PRDM8: variants seen among roughly 807,000 people sequenced by gnomAD.
PRDM8 encodes PR/SET domain 8, also known as PR domain zinc finger protein 8.
A neutral mutation model predicts 46.5 loss-of-function variants in PRDM8; 13 were observed. The ratio of observed to expected loss-of-function variants is 0.28; its 90% CI spans 0.18 to 0.44. The LOEUF (loss-of-function observed/expected upper bound fraction) is 0.44. Ranked by LOEUF, PRDM8 falls within the 20% of genes least tolerant of loss-of-function variation. PRDM8 has a pLI of 1.00. For synonymous variants in PRDM8, 473 were observed against 438.4 expected, an observed-to-expected ratio of 1.08 and a Z score of -0.98; for missense variants, 998 against 955.0, an observed-to-expected ratio of 1.04 and a Z score of -0.59.
At chr4:80,189,560 C>A (rs563089620) in intron 1 of PRDM8, among the ~76,000 whole-genome samples, 1 of 152,270 alleles carries the variant, frequency 6.6e-6, no homozygotes, top group African/African-American at 2.4e-5. Context: ...CAATACAGTT[C>A]CCAGTTTTCT....
In PRDM8 at chr4:80,201,665, A is replaced by C. The variant is rs899052224; in HGVS notation, c.451+144A>C. 9.3e-6 allele frequency: 9 copies of C among 965,434 alleles called. No homozygotes were observed. In the South Asian group the frequency reaches 1.3e-4, roughly 14 times the overall value. 59.8% of individuals were successfully genotyped at this position (965,434 alleles called of 1,614,324 possible). On this transcript the variant is annotated intron_variant, in intron 3 of 3. Coordinates refer to ENST00000415738, the MANE Select transcript of PRDM8 (RefSeq NM_001099403.2). ...AGATTCTGAGATGTAGTCTGGAATG[A>C]AGTTAAACAGATAGGTGAGGATAAA...
At chr4:80,200,388 G>A in intron 2 of PRDM8, 89 bp downstream of exon 2, 2 of 1,204,318 alleles carry the variant, frequency 1.7e-6, no homozygotes, top group Non-Finnish European at 2.4e-6. Context: ...AGTGGAGATA[G>A]GTTTTGCCTG....
At chr4:80,200,340 G>A (rs1427138004) in intron 2 of PRDM8, 41 bp downstream of exon 2, 3 of 1,526,142 alleles carry the variant, frequency 2.0e-6, no homozygotes, top group South Asian at 2.2e-5. Context: ...TGAGGGTAAT[G>A]TCCTGTTGGA....
At chr4:80,193,392 C>T (rs889576759), upstream of PRDM8, among the ~76,000 whole-genome samples, 6 of 152,130 alleles carry the variant, frequency 3.9e-5, no homozygotes, top group African/African-American at 9.7e-5. Context: ...TGGCTCTTCT[C>T]GACTCACCAA....
upstream of PRDM8, among the ~76,000 whole-genome samples, chr4:80,194,998 C>T (rs1737833742): frequency 6.6e-6 from 1 of 152,102 alleles, no homozygotes; most frequent in South Asian, 2.1e-4. Context: ...AAGAGAAAGG[C>T]CAGGCACAAG....
chr4:80,191,385 G>A (rs1048096196), intron 1 of PRDM8: 1 of 152,036 alleles, frequency 6.6e-6, no homozygotes, highest in Non-Finnish European at 1.5e-5. Flanking sequence ...TAGCAATTCC[G>A]GGTATTATTT....
chr4:80,198,876 T>C (rs1738174191), intron 1 of PRDM8, among the ~76,000 whole-genome samples: 3 of 151,766 alleles, frequency 2.0e-5, no homozygotes, highest in Admixed American at 2.0e-4. Context: ...GTGACATTAT[T>C]AGGGAACAAC....
rs201992799 is a variant in PRDM8, at chr4:80,199,707, A to ATGTG, written c.-2-371_-2-370insGTGT. Among the ~76,000 whole-genome samples the ATGTG allele has an allele frequency of 5.0e-3, 450 of 90,600 alleles. 2 individuals carry two copies. Among genetic ancestry groups the ATGTG allele is most frequent in the African/African-American group, 0.016 (412 of 25,220 alleles). 59.4% of individuals were successfully genotyped at this position (90,600 alleles called of 152,430 possible). A position where few individuals can be genotyped will look rare whatever the true frequency, so the allele number is the denominator to read the frequency against. On this transcript the variant is annotated intron_variant, in intron 1 of 3. Coordinates refer to ENST00000415738, the MANE Select transcript of PRDM8 (RefSeq NM_001099403.2). Reference sequence around the variant, plus strand: ...AAATTATATATATGTATATATATATATATGTGTGTGTGTGTGTGTGTGTGT... The same window carrying ATGTG: ...AAATTATATATATGTATATATATATATGTGTATGTGTGTGTGTGTGTGTGTGTGT...
chr4:80,190,426 C>T (rs1039999986), intron 1 of PRDM8, among the ~76,000 whole-genome samples: 4 of 152,242 alleles, frequency 2.6e-5, no homozygotes, highest in Non-Finnish European at 5.9e-5. Context: ...GGTTTGCGCA[C>T]TGTGCGTCTA....
chr4:80,187,733 G>A (rs1737230073), intron 1 of PRDM8, among the ~76,000 whole-genome samples: 1 of 152,102 alleles, frequency 6.6e-6, no homozygotes, highest in African/African-American at 2.4e-5. Flanking sequence ...GCAACCTCCT[G>A]CTCCTCCTGT....
chr4:80,203,397 G>A lies in PRDM8; in HGVS notation c.1935G>A (p.Arg645=), dbSNP rs767093340. 5 of 1,613,956 alleles carry A rather than the reference G, an allele frequency of 3.1e-6. No individual in the cohort carries two copies. The highest frequency in any genetic ancestry group is 1.1e-5 in the South Asian group (1 of 91,012). Residue 645 remains arginine, a synonymous_variant, in exon 4 of 4, where the codon AGG becomes AGA. Transcript: ENST00000415738. ...RMTSDLVYHM[R]SHHKKEYAME... ...CCTCCGACCTGGTGTACCATATGAG[G>A]TCGCACCACAAAAAGGAGTATGCGA...
upstream of PRDM8, chr4:80,195,918 C>CAGAGAGAG (rs1737908359): frequency 1.6e-5 from 3 of 183,880 alleles, no homozygotes; most frequent in Non-Finnish European, 2.6e-5. Flanking sequence ...CACACACACA[C>CAGAGAGAG]ACACACACAC....
chr4:80,197,740 G>A lies in PRDM8; in HGVS notation c.-26G>A. ...CGGTTCCAGGTGGCCTTATTTGGGA[G>A]ATTCTATACTGACCTTATTCCTGGT... On this transcript the variant is annotated 5_prime_UTR_variant, in exon 1 of 4. Transcript: ENST00000415738. 4.1e-6 allele frequency: 4 copies of A among 985,042 alleles called. No homozygotes were observed. Among genetic ancestry groups the A allele is most frequent in the Non-Finnish European group, 4.8e-6 (4 of 829,184 alleles). The allele number at this position is 985,042 out of a possible 1,614,324, so 61.0% of individuals were successfully genotyped here. A position where few individuals can be genotyped will look rare whatever the true frequency, so the allele number is the denominator to read the frequency against.
intron 1 of PRDM8, among the ~76,000 whole-genome samples, chr4:80,189,283 G>T (rs987307728): frequency 6.6e-6 from 1 of 152,178 alleles, no homozygotes; most frequent in Non-Finnish European, 1.5e-5. Context: ...TTCTAACGTG[G>T]CACCGCGACC....
intron 2 of PRDM8, among the ~76,000 whole-genome samples, chr4:80,192,154 C>A (rs1737596723): frequency 6.6e-6 from 1 of 152,166 alleles, no homozygotes; most frequent in African/African-American, 2.4e-5. Context: ...CCCAGAAGAG[C>A]CATGCTTTCT....
intron 2 of PRDM8, among the ~76,000 whole-genome samples, chr4:80,192,168 G>A (rs1737597400): frequency 6.6e-6 from 1 of 152,154 alleles, no homozygotes; most frequent in Non-Finnish European, 1.5e-5. Context: ...GCTTTCTGCT[G>A]CTTTTTCCCC....
upstream of PRDM8, chr4:80,194,250 C>A: frequency 1.0e-6 from 1 of 966,064 alleles, no homozygotes; most frequent in Non-Finnish European, 1.2e-6. Context: ...GTGAGCATAC[C>A]CACTCTTCAT....
At chr4:80,192,068 T>A (rs1342471264) in intron 2 of PRDM8, among the ~76,000 whole-genome samples, 1 of 152,198 alleles carries the variant, frequency 6.6e-6, no homozygotes, top group Middle Eastern at 3.2e-3. Flanking sequence ...AATGTCTCTC[T>A]CTTCAGGCCT....
In PRDM8 at chr4:80,203,469, C is replaced by T. The variant is rs371955630; in HGVS notation, c.2007C>T (p.Pro669=). Residue 669 remains proline (P), a synonymous_variant, in exon 4 of 4, where the codon CCC becomes CCT. Transcript: ENST00000415738. ...KRRREEKLKC[P]ICNESFRERH... The stretch of plus-strand genomic sequence containing the variant: ...GGCGAGAGGAGAAACTCAAGTGCCC[C>T]ATCTGCAATGAGTCCTTCAGGGAGC... The T allele has an allele frequency of 8.1e-6, 13 of 1,613,530 alleles. No homozygotes were observed. In the South Asian group the frequency reaches 9.9e-5, roughly 12 times the overall value.
Sources: allele counts gnomAD v4.1 joint callset (sites outside exome capture counted in the v4.1 genomes callset), GRCh38; gene constraint gnomAD v4.1.1; transcripts MANE v1.5; gene names NCBI Gene and HGNC (gene_info 2026-07-23, HGNC 2026-07-21).